FHOD3: variants seen among roughly 807,000 people sequenced by gnomAD.
FHOD3 encodes formin homology 2 domain containing 3.
FHOD3 carries 90 observed loss-of-function variants against 173.0 expected under a neutral mutation model. That is an observed-to-expected ratio of 0.52 (90% confidence interval 0.44 to 0.62). The LOEUF (loss-of-function observed/expected upper bound fraction) is 0.62. Ranked by LOEUF, FHOD3 falls within the 20% of genes least tolerant of loss-of-function variation. The pLI is 0.00. For synonymous variants in FHOD3, 828 were observed against 823.0 expected, an observed-to-expected ratio of 1.01 and a Z score of -0.10; for missense variants, 1,945 against 2,034.7, an observed-to-expected ratio of 0.96 and a Z score of 0.85.
chr18:36,523,200 T>C (rs2056357807), intron 5 of FHOD3, among the ~76,000 whole-genome samples: 1 of 152,204 alleles, frequency 6.6e-6, no homozygotes, highest in East Asian at 1.9e-4. Context: ...CCAGGTAACG[T>C]TGGCCTTGAG....
At chr18:36,460,189 TC>T (rs747181748) in intron 3 of FHOD3, among the ~76,000 whole-genome samples, 2 of 152,148 alleles carry the variant, frequency 1.3e-5, no homozygotes, top group East Asian at 3.8e-4. Flanking sequence ...TGTCAGACTG[TC>T]CCCCACTGTT....
intron 24 of FHOD3, among the ~76,000 whole-genome samples, chr18:36,753,449 T>C (rs2042492253): frequency 6.6e-6 from 1 of 152,284 alleles, no homozygotes; most frequent in Admixed American, 6.5e-5. Context: ...TCCAATGCTA[T>C]ACTTAGTTTA....
chr18:36,661,347 G>T (rs1053467326), intron 14 of FHOD3, among the ~76,000 whole-genome samples: 1 of 151,880 alleles, frequency 6.6e-6, no homozygotes, highest in Non-Finnish European at 1.5e-5. Flanking sequence ...TTTTACTGAG[G>T]TATATATACT....
intron 10 of FHOD3, among the ~76,000 whole-genome samples, chr18:36,647,095 A>G (rs917234731): frequency 1.3e-5 from 2 of 152,166 alleles, no homozygotes; most frequent in Non-Finnish European, 2.9e-5. Context: ...ACAAAAAATT[A>G]GCTGGGCATG....
At chr18:36,309,746 A>G (rs777675511) in intron 1 of FHOD3, among the ~76,000 whole-genome samples, 5 of 152,214 alleles carry the variant, frequency 3.3e-5, no homozygotes, top group Non-Finnish European at 7.3e-5. Context: ...CCTGTCCAGA[A>G]CAATAGTCAA....
intron 5 of FHOD3, among the ~76,000 whole-genome samples, chr18:36,559,353 T>C (rs546485703): frequency 1.3e-5 from 2 of 152,308 alleles, no homozygotes; most frequent in East Asian, 3.9e-4. Context: ...GAGTTAAAGA[T>C]GAACTGAGCA....
chr18:36,352,234 AC>A (rs921298759), intron 1 of FHOD3, among the ~76,000 whole-genome samples: 1 of 151,916 alleles, frequency 6.6e-6, no homozygotes, highest in African/African-American at 2.4e-5. Flanking sequence ...CAACAGTGAG[AC>A]CCCCCTGCTA....
At chr18:36,309,165 C>T (rs2092184408) in intron 1 of FHOD3, among the ~76,000 whole-genome samples, 1 of 152,030 alleles carries the variant, frequency 6.6e-6, no homozygotes, top group African/African-American at 2.4e-5. Flanking sequence ...AGACTTAAGG[C>T]CTGCAGTTCA....
intron 18 of FHOD3, among the ~76,000 whole-genome samples, chr18:36,713,994 A>G (rs899718722): frequency 2.0e-5 from 3 of 151,582 alleles, no homozygotes; most frequent in African/African-American, 4.8e-5. Context: ...AAACATAATG[A>G]CACAGGTAGA....
intron 5 of FHOD3, among the ~76,000 whole-genome samples, chr18:36,559,404 G>C (rs1225382424): frequency 4.6e-5 from 7 of 152,320 alleles, no homozygotes; most frequent in African/African-American, 1.7e-4. Context: ...TCAGAAGGAA[G>C]CTGTTAAAAT....
intron 5 of FHOD3, among the ~76,000 whole-genome samples, chr18:36,560,753 G>A (rs563300429): frequency 4.6e-5 from 7 of 151,974 alleles, no homozygotes; most frequent in African/African-American, 1.2e-4. Flanking sequence ...GAGAGAGGCT[G>A]CAGCACAGCC....
intron 3 of FHOD3, among the ~76,000 whole-genome samples, chr18:36,500,595 C>T (rs553702362): frequency 9.2e-5 from 14 of 152,304 alleles, no homozygotes; most frequent in Non-Finnish European, 1.6e-4. Flanking sequence ...CTTAATTTAA[C>T]ACAGAACCCA....
chr18:36,706,554 C>G (rs902403833), intron 17 of FHOD3, among the ~76,000 whole-genome samples: 1 of 152,216 alleles, frequency 6.6e-6, no homozygotes, highest in African/African-American at 2.4e-5. Context: ...CCTGCCCAGG[C>G]AGCCTAATCA....
chr18:36,365,849 T>C (rs1362317940), intron 2 of FHOD3, among the ~76,000 whole-genome samples: 5 of 152,146 alleles, frequency 3.3e-5, no homozygotes, highest in African/African-American at 9.7e-5. Flanking sequence ...CCTCATGTCT[T>C]GTTGAAGTGA....
intron 4 of FHOD3, among the ~76,000 whole-genome samples, chr18:36,511,828 G>A (rs1229284802): frequency 6.6e-6 from 1 of 152,220 alleles, no homozygotes; most frequent in African/African-American, 2.4e-5. Context: ...AGGTCTGCAA[G>A]CCAGCCAAGG....
intron 15 of FHOD3, among the ~76,000 whole-genome samples, chr18:36,682,571 G>C (rs559748577): frequency 1.3e-5 from 2 of 151,924 alleles, no homozygotes; most frequent in East Asian, 3.9e-4. Flanking sequence ...ATTTAATAAC[G>C]TGTTTTTGTT....
At chr18:36,587,154 T>G (rs897603832) in intron 6 of FHOD3, among the ~76,000 whole-genome samples, 3 of 152,088 alleles carry the variant, frequency 2.0e-5, no homozygotes, top group African/African-American at 7.2e-5. Flanking sequence ...CTGGAGATGG[T>G]GGGGGGAACT....
chr18:36,584,033 G>C (rs746107697), intron 6 of FHOD3, among the ~76,000 whole-genome samples: 1 of 152,088 alleles, frequency 6.6e-6, no homozygotes, highest in Non-Finnish European at 1.5e-5. Flanking sequence ...TCACCATGTT[G>C]CCCAGTCTGG....
In FHOD3 at chr18:36,297,784, GCCCGCGGCCCCGCTAACCCCGGGGCC is replaced by G; in HGVS notation, c.-50_-25del. 6 of 1,446,368 alleles carry G rather than the reference GCCCGCGGCCCCGCTAACCCCGGGGCC, an allele frequency of 4.1e-6. No homozygotes were observed. Among genetic ancestry groups the G allele is most frequent in the Non-Finnish European group, 5.5e-6 (6 of 1,093,008 alleles). 89.6% of individuals were successfully genotyped at this position (1,446,368 alleles called of 1,614,324 possible). ...TGCGCGCAGCTACCCGGGCGTCCCG[GCCCGCGGCCCCGCTAACCCCGGGGCC>G]CGCGCCCCCGCGGCAGGGATGCATC... On this transcript the variant is annotated 5_prime_UTR_variant, in exon 1 of 29. Coordinates refer to ENST00000590592, the MANE Select transcript of FHOD3 (RefSeq NM_001281740.3).
Sources: allele counts gnomAD v4.1 joint callset (sites outside exome capture counted in the v4.1 genomes callset), GRCh38; gene constraint gnomAD v4.1.1; transcripts MANE v1.5; gene names NCBI Gene and HGNC (gene_info 2026-07-23, HGNC 2026-07-21).